The following SCAPER variants were observed in gnomAD, a reference collection of about 807,000 sequenced individuals.
SCAPER encodes the protein S phase cyclin A-associated protein in the endoplasmic reticulum.
In SCAPER, 98 loss-of-function variants were observed where a neutral mutation model predicts 182.2. That is an observed-to-expected ratio of 0.54 (90% CI 0.46 to 0.64). SCAPER has a LOEUF of 0.64. SCAPER is among the 30% of genes least tolerant of loss of function. SCAPER has a pLI of 0.00. For missense variants in SCAPER, 1,432 were observed against 1,690.0 expected, an observed-to-expected ratio of 0.85 and a Z score of 2.68; for synonymous variants, 605 against 564.6, an observed-to-expected ratio of 1.07 and a Z score of -1.01.
intron 15 of SCAPER, among the ~76,000 whole-genome samples, chr15:76,746,228 A>C (rs1046299520): frequency 2.5e-4 from 38 of 152,222 alleles, no homozygotes; most frequent in African/African-American, 8.7e-4. Context: ...GTTGTCCCTC[A>C]GTATCCATGG....
At chr15:76,718,545 G>A (rs1321004186) in intron 17 of SCAPER, among the ~76,000 whole-genome samples, 2 of 151,894 alleles carry the variant, frequency 1.3e-5, no homozygotes, top group Non-Finnish European at 2.9e-5. Flanking sequence ...GGTGGCTGAA[G>A]CACAAGAATC....
intron 29 of SCAPER, among the ~76,000 whole-genome samples, chr15:76,367,387 AC>A (rs1404668815): frequency 6.6e-6 from 1 of 152,020 alleles, no homozygotes; most frequent in Non-Finnish European, 1.5e-5. Flanking sequence ...TATTACAAAC[AC>A]CCCCTCCATG....
At chr15:76,882,392 G>C (rs1017068340) in intron 2 of SCAPER, among the ~76,000 whole-genome samples, 13 of 145,070 alleles carry the variant, frequency 9.0e-5, no homozygotes, top group Non-Finnish European at 1.7e-4. Context: ...TCTGTCTCCA[G>C]AAGAAAAAAA....
At chr15:76,575,836 G>C (rs1280303740) in intron 22 of SCAPER, among the ~76,000 whole-genome samples, 2 of 152,188 alleles carry the variant, frequency 1.3e-5, no homozygotes. Flanking sequence ...CTTTACAAGG[G>C]AATTTCCTGA....
chr15:76,800,386 C>A (rs761898186), intron 6 of SCAPER, 22 bp from the exon 7 acceptor site: 1 of 1,415,242 alleles, frequency 7.1e-7, no homozygotes, highest in Non-Finnish European at 9.9e-7. Context: ...ATATATAAAC[C>A]AGATTAAATT....
intron 27 of SCAPER, among the ~76,000 whole-genome samples, chr15:76,403,223 C>T (rs2044592124): frequency 6.6e-6 from 1 of 152,194 alleles, no homozygotes; most frequent in Admixed American, 6.5e-5. Context: ...GCCACTGTTC[C>T]AGATGGACAG....
intron 15 of SCAPER, among the ~76,000 whole-genome samples, chr15:76,745,576 G>A (rs563445972): frequency 1.3e-5 from 2 of 152,064 alleles, no homozygotes. Context: ...ATAAAAGTTG[G>A]AATTTTAAGA....
intron 26 of SCAPER, among the ~76,000 whole-genome samples, chr15:76,418,222 C>T (rs947675261): frequency 1.3e-5 from 2 of 152,150 alleles, no homozygotes; most frequent in Non-Finnish European, 2.9e-5. Context: ...AACATTAAAG[C>T]CCAGGATACC....
Position 76,652,274 on chromosome 15 carries a change from ATATATATATATAT to A in SCAPER, c.2645+13366_2645+13378del, listed in dbSNP as rs1266409574. On this transcript the variant is annotated intron_variant, in intron 21 of 31. Coordinates refer to ENST00000563290, the MANE Select transcript of SCAPER (RefSeq NM_020843.4). ...TCTCTGCTAAAAAAAAAAAAAAAAA[ATATATATATATAT>A]ATATATATATATATATATATATACA... is the stretch of plus-strand genomic sequence containing the variant. Among the ~76,000 whole-genome samples, 17 of 10,636 alleles carry A rather than the reference ATATATATATATAT, an allele frequency of 1.6e-3. 2 individuals carry two copies. Among genetic ancestry groups the A allele is most frequent in the African/African-American group, 4.5e-3 (11 of 2,452 alleles). 7.0% of individuals were successfully genotyped at this position (10,636 alleles called of 152,430 possible).
At chr15:76,612,196 T>A (rs2051059644) in intron 22 of SCAPER, among the ~76,000 whole-genome samples, 2 of 151,990 alleles carry the variant, frequency 1.3e-5, no homozygotes, top group Admixed American at 1.3e-4. Context: ...ATTTAGAAAA[T>A]CCCAGTCTCA....
At chr15:76,723,431 T>A (rs1263882003) in intron 17 of SCAPER, among the ~76,000 whole-genome samples, 1 of 152,224 alleles carries the variant, frequency 6.6e-6, no homozygotes, top group African/African-American at 2.4e-5. Context: ...GAGAGTTCTG[T>A]AGATGTCTAT....
Position 76,893,382 on chromosome 15 carries a change from C to T in SCAPER, c.-59-9506G>A, listed in dbSNP as rs188616532. On this transcript the variant is annotated intron_variant, in intron 1 of 31. Transcript: ENST00000563290. Reference sequence around the variant, plus strand: ...GGGTAATTCATCAAAAGGATATAACCGTTGTAGATATGTACGCACCCAACA... The same window carrying T: ...GGGTAATTCATCAAAAGGATATAACTGTTGTAGATATGTACGCACCCAACA... 1.1e-3 allele frequency among the ~76,000 whole-genome samples: 170 copies of T among 151,970 alleles called. 2 individuals carry two copies. The highest frequency in any genetic ancestry group is 3.9e-3 in the African/African-American group (161 of 41,440).
chr15:76,889,641 C>T (rs1347904011), intron 1 of SCAPER, among the ~76,000 whole-genome samples: 1 of 152,142 alleles, frequency 6.6e-6, no homozygotes, highest in Non-Finnish European at 1.5e-5. Context: ...TATATACGCA[C>T]CCAATACATG....
intron 5 of SCAPER, among the ~76,000 whole-genome samples, chr15:76,835,067 G>T (rs2068812666): frequency 6.6e-6 from 1 of 151,992 alleles, no homozygotes; most frequent in Non-Finnish European, 1.5e-5. Context: ...ACTGATAAAT[G>T]AAACTTCATT....
intron 17 of SCAPER, among the ~76,000 whole-genome samples, chr15:76,721,689 T>C (rs994281725): frequency 2.0e-5 from 3 of 152,010 alleles, no homozygotes; most frequent in East Asian, 1.9e-4. Context: ...TTTGAAGCAA[T>C]TGTGAATGGG....
chr15:76,851,815 T>C (rs1285957599), intron 4 of SCAPER, among the ~76,000 whole-genome samples: 2 of 151,920 alleles, frequency 1.3e-5, no homozygotes, highest in African/African-American at 2.4e-5. Flanking sequence ...AACAACATGA[T>C]AGGATCAAAT....
At chr15:76,616,892 A>G (rs1350267999) in intron 22 of SCAPER, among the ~76,000 whole-genome samples, 1 of 152,190 alleles carries the variant, frequency 6.6e-6, no homozygotes, top group East Asian at 1.9e-4. Context: ...CAGCATTAAA[A>G]TGTCTATAAA....
At chr15:76,541,625 C>G (rs549861833) in intron 23 of SCAPER, among the ~76,000 whole-genome samples, 1 of 152,142 alleles carries the variant, frequency 6.6e-6, no homozygotes, top group Non-Finnish European at 1.5e-5. Context: ...CTATATGCTT[C>G]TTGTCATAAA....
chr15:76,500,761 C>T (rs1199484897), intron 24 of SCAPER, among the ~76,000 whole-genome samples: 3 of 152,066 alleles, frequency 2.0e-5, no homozygotes, highest in East Asian at 1.9e-4. Context: ...ATTCATTTGT[C>T]TGTACTTGTT....
Sources: allele counts gnomAD v4.1 joint callset (sites outside exome capture counted in the v4.1 genomes callset), GRCh38; gene constraint gnomAD v4.1.1; transcripts MANE v1.5; gene names NCBI Gene and HGNC (gene_info 2026-07-23, HGNC 2026-07-21).